PRKAR2B: variants seen among roughly 807,000 people sequenced by gnomAD.
PRKAR2B encodes the protein cAMP-dependent protein kinase type II-beta regulatory subunit.
PRKAR2B carries 14 observed loss-of-function variants against 49.9 expected under a neutral mutation model. The observed-to-expected ratio is 0.28, with a 90% CI of 0.19 to 0.44. The LOEUF (loss-of-function observed/expected upper bound fraction) is 0.44. PRKAR2B is among the 20% of genes least tolerant of loss of function. The pLI is 1.00. For synonymous variants in PRKAR2B, 196 were observed against 197.7 expected (o/e 0.99, Z 0.07); for missense variants, 393 against 537.9 (o/e 0.73, Z 2.67).
chr7:107,151,794 G>A (rs1356581630), intron 7 of PRKAR2B, among the ~76,000 whole-genome samples: 1 of 152,114 alleles, frequency 6.6e-6, no homozygotes, highest in Admixed American at 6.5e-5. Flanking sequence ...ACTGCATATC[G>A]CTAGCCTGGG....
intron 2 of PRKAR2B, among the ~76,000 whole-genome samples, chr7:107,087,059 T>G (rs764367434): frequency 6.6e-6 from 1 of 152,200 alleles, no homozygotes; most frequent in African/African-American, 2.4e-5. Context: ...AAATGTTATA[T>G]GTTCTATTAT....
At chr7:107,158,496 T>C (rs1362342851) in intron 10 of PRKAR2B, among the ~76,000 whole-genome samples, 1 of 152,208 alleles carries the variant, frequency 6.6e-6, no homozygotes, top group Admixed American at 6.5e-5. Flanking sequence ...AATGTTCTTA[T>C]TTTATTACAC....
At chr7:107,046,298 C>T (rs1204254959) in intron 1 of PRKAR2B, among the ~76,000 whole-genome samples, 2 of 152,140 alleles carry the variant, frequency 1.3e-5, no homozygotes, top group Non-Finnish European at 2.9e-5. Context: ...AGCATTGCAC[C>T]AGCTTTTATT....
rs549813310 is a variant in PRKAR2B, at chr7:107,067,563, A to G, written c.308-2718A>G. On this transcript the variant is annotated intron_variant, in intron 1 of 10. Coordinates refer to ENST00000265717, the MANE Select transcript of PRKAR2B (RefSeq NM_002736.3). ...TAGCAAAAATATCAAGGAGAAATAA[A>G]TTAAAATAATTTATAGCAAGTAAAA... 3.3e-5 allele frequency among the ~76,000 whole-genome samples: 5 copies of G among 152,326 alleles called. No individual in the cohort carries two copies. In the East Asian group the frequency reaches 5.8e-4, roughly 18 times the overall value.
intron 2 of PRKAR2B, among the ~76,000 whole-genome samples, chr7:107,110,735 G>C (rs918202923): frequency 6.6e-6 from 1 of 152,036 alleles, no homozygotes; most frequent in African/African-American, 2.4e-5. Flanking sequence ...GCAGACTAAA[G>C]AGCTTTGGGC....
At chr7:107,157,463 C>T (rs1796114392) in intron 10 of PRKAR2B, 139 bp downstream of exon 10, 2 of 1,102,616 alleles carry the variant, frequency 1.8e-6, no homozygotes, top group Non-Finnish European at 1.2e-6. Flanking sequence ...GGACTCATTG[C>T]CTTATAAAAT....
chr7:107,145,266 A>G (rs1170056867), intron 5 of PRKAR2B, among the ~76,000 whole-genome samples: 2 of 152,130 alleles, frequency 1.3e-5, no homozygotes, highest in African/African-American at 2.4e-5. Flanking sequence ...AACAAACAAG[A>G]GTGTTTATAT....
At chr7:107,125,324 A>C (rs1456992940) in intron 3 of PRKAR2B, among the ~76,000 whole-genome samples, 2 of 152,256 alleles carry the variant, frequency 1.3e-5, no homozygotes, top group Admixed American at 6.5e-5. Flanking sequence ...GGGATCTGTC[A>C]CTAGGATAAA....
intron 2 of PRKAR2B, among the ~76,000 whole-genome samples, chr7:107,121,099 A>G (rs2115583296): frequency 6.6e-6 from 1 of 151,926 alleles, no homozygotes; most frequent in South Asian, 2.1e-4. Context: ...TCTGTTGTAC[A>G]GTTAGGGGGG....
intron 5 of PRKAR2B, among the ~76,000 whole-genome samples, chr7:107,142,891 T>C (rs537937797): frequency 1.7e-4 from 26 of 151,990 alleles, no homozygotes; most frequent in African/African-American, 6.0e-4. Context: ...GCCTGCGGAG[T>C]AGCTGGGACT....
intron 2 of PRKAR2B, among the ~76,000 whole-genome samples, chr7:107,084,917 G>T (rs1412453255): frequency 6.6e-6 from 1 of 151,938 alleles, no homozygotes; most frequent in African/African-American, 2.4e-5. Context: ...GAGCCACCAC[G>T]CCCGGCCTAT....
intron 5 of PRKAR2B, among the ~76,000 whole-genome samples, chr7:107,142,664 G>A (rs926796421): frequency 6.6e-6 from 1 of 152,156 alleles, no homozygotes; most frequent in Non-Finnish European, 1.5e-5. Context: ...TCCACAGCCA[G>A]GTCTCCTGCC....
chr7:107,079,931 G>C (rs1328194903), intron 2 of PRKAR2B, among the ~76,000 whole-genome samples: 1 of 151,134 alleles, frequency 6.6e-6, no homozygotes, highest in African/African-American at 2.4e-5. Context: ...TTCCTGAGTA[G>C]TGTGTGCTGG....
chr7:107,054,040 G>T (rs1793861899), intron 1 of PRKAR2B, among the ~76,000 whole-genome samples: 1 of 152,100 alleles, frequency 6.6e-6, no homozygotes, highest in Admixed American at 6.5e-5. Flanking sequence ...TTGTAAATAT[G>T]CATTAAGTAG....
At chr7:107,052,683 A>G (rs996871583) in intron 1 of PRKAR2B, among the ~76,000 whole-genome samples, 38 of 152,338 alleles carry the variant, frequency 2.5e-4, no homozygotes, top group African/African-American at 6.7e-4. Context: ...GAAAATAAGC[A>G]CATATCAAAA....
intron 2 of PRKAR2B, among the ~76,000 whole-genome samples, chr7:107,072,667 T>C (rs1794303119): frequency 6.6e-6 from 1 of 152,180 alleles, no homozygotes. Flanking sequence ...GTTAATTTAA[T>C]TTAGTGCTAA....
chr7:107,113,626 C>G (rs1305007455), intron 2 of PRKAR2B, among the ~76,000 whole-genome samples: 1 of 152,108 alleles, frequency 6.6e-6, no homozygotes, highest in African/African-American at 2.4e-5. Flanking sequence ...GGATAGTTTC[C>G]CAAACATATT....
At chr7:107,104,741 T>G (rs1319838187) in intron 2 of PRKAR2B, among the ~76,000 whole-genome samples, 3 of 152,136 alleles carry the variant, frequency 2.0e-5, no homozygotes, top group Non-Finnish European at 4.4e-5. Context: ...CATTAGTCCA[T>G]TCAAAAGCAA....
intron 2 of PRKAR2B, among the ~76,000 whole-genome samples, chr7:107,089,783 G>T (rs1190284025): frequency 6.6e-6 from 1 of 152,212 alleles, no homozygotes; most frequent in Admixed American, 6.5e-5. Context: ...CAGTTTTGCA[G>T]ACTATCATTT....
Sources: gnomAD v4.1 joint callset for allele counts (sites outside exome capture counted in the v4.1 genomes callset) on GRCh38, gnomAD v4.1.1 for gene constraint, MANE v1.5 for transcripts, NCBI Gene and HGNC (gene_info 2026-07-23, HGNC 2026-07-21) for gene names.